ARHGAP32: variants seen among roughly 807,000 people sequenced by gnomAD.
ARHGAP32 encodes Rho GTPase activating protein 32.
A neutral mutation model predicts 186.5 loss-of-function variants in ARHGAP32; 51 were observed. The ratio of observed to expected loss-of-function variants is 0.27; its 90% CI spans 0.22 to 0.35. The LOEUF is 0.35. ARHGAP32 is among the 10% of genes least tolerant of loss of function. The pLI is 1.00. For synonymous variants in ARHGAP32, 950 were observed against 964.3 expected (o/e 0.99, Z 0.27); for missense variants, 2,186 against 2,623.5 (o/e 0.83, Z 3.64).
intron 15 of ARHGAP32, among the ~76,000 whole-genome samples, chr11:128,982,294 C>G (rs1046265214): frequency 1.3e-5 from 2 of 152,116 alleles, no homozygotes; most frequent in Non-Finnish European, 2.9e-5. Context: ...AATATTTGAG[C>G]AAAGGATATG....
chr11:129,044,851 G>C (rs1377045988), intron 10 of ARHGAP32, among the ~76,000 whole-genome samples: 1 of 151,056 alleles, frequency 6.6e-6, no homozygotes, highest in Non-Finnish European at 1.5e-5. Context: ...TTATGTGAAA[G>C]TAACTGCCTA....
At chr11:129,148,326 A>T (rs148362313) in intron 2 of ARHGAP32, among the ~76,000 whole-genome samples, 1 of 152,366 alleles carries the variant, frequency 6.6e-6, no homozygotes, top group East Asian at 1.9e-4. Flanking sequence ...CTCTGAACAC[A>T]CAACCCCACT....
chr11:129,151,556 T>G (rs1943289414), intron 2 of ARHGAP32, among the ~76,000 whole-genome samples: 2 of 152,116 alleles, frequency 1.3e-5, no homozygotes, highest in Non-Finnish European at 1.5e-5. Flanking sequence ...GGAAATTAAC[T>G]CGAAAAGGAA....
chr11:129,079,196 C>G lies in ARHGAP32; in HGVS notation c.532-12328G>C, dbSNP rs181488011. Among the ~76,000 whole-genome samples, 24 of 152,276 alleles carry G rather than the reference C, an allele frequency of 1.6e-4. No homozygotes were observed. In the East Asian group the frequency reaches 4.2e-3, roughly 27 times the overall value. ...GGTTTGGAAAACATATTTGAGGGAA[C>G]AGTCAAGGAAAACTTCCCTGGCCTT... On this transcript the variant is annotated intron_variant, in intron 6 of 22. Transcript: ENST00000682385.
intron 1 of ARHGAP32, among the ~76,000 whole-genome samples, chr11:129,168,090 AC>A (rs1943675629): frequency 6.6e-6 from 1 of 152,074 alleles, no homozygotes; most frequent in Admixed American, 6.5e-5. Flanking sequence ...AAAAAAAAAT[AC>A]AAAAATTAGC....
intron 10 of ARHGAP32, among the ~76,000 whole-genome samples, chr11:129,056,420 T>A (rs1288622189): frequency 5.9e-5 from 9 of 152,120 alleles, no homozygotes; most frequent in Non-Finnish European, 5.9e-5. Context: ...GTCAGTTTTA[T>A]AATTTTAGTA....
chr11:129,077,651 A>G lies in ARHGAP32; in HGVS notation c.532-10783T>C, dbSNP rs569047579. Reference sequence around the variant, plus strand: ...ACAGCACCTGCAGCAACCCTCACCCAAGCTCAGATCCGCCTAACGCTACCC... The same window carrying G: ...ACAGCACCTGCAGCAACCCTCACCCGAGCTCAGATCCGCCTAACGCTACCC... On this transcript the variant is annotated intron_variant, in intron 6 of 22. Transcript: ENST00000682385. 2.0e-5 allele frequency among the ~76,000 whole-genome samples: 3 copies of G among 152,002 alleles called. No individual in the cohort carries two copies. In the South Asian group the frequency reaches 6.3e-4, roughly 32 times the overall value.
chr11:129,079,376 T>C (rs561800581), intron 6 of ARHGAP32, among the ~76,000 whole-genome samples: 1 of 152,060 alleles, frequency 6.6e-6, no homozygotes, highest in Non-Finnish European at 1.5e-5. Context: ...TAAAGGAAAA[T>C]CTATGAGATT....
intron 1 of ARHGAP32, among the ~76,000 whole-genome samples, chr11:129,249,316 T>A (rs1945147342): frequency 6.6e-6 from 1 of 151,916 alleles, no homozygotes; most frequent in Non-Finnish European, 1.5e-5. Flanking sequence ...GTAATACTCA[T>A]ACATATATAT....
chr11:129,063,886 C>T lies in ARHGAP32; in HGVS notation c.885+16G>A. On this transcript the variant is annotated intron_variant, in intron 9 of 22. Coordinates refer to ENST00000682385, the MANE Select transcript of ARHGAP32 (RefSeq NM_001378024.1). ...TAGCAAGAACCAAATAACAAACAAC[C>T]ACTTTAACTATTTACCTCTAAGGTC... The T allele has an allele frequency of 6.3e-7, 1 of 1,590,456 alleles. No homozygotes were observed. The highest frequency in any genetic ancestry group is 8.5e-7 in the Non-Finnish European group (1 of 1,171,614).
intron 11 of ARHGAP32, among the ~76,000 whole-genome samples, chr11:129,006,821 G>A (rs1229547962): frequency 1.3e-5 from 2 of 152,232 alleles, no homozygotes; most frequent in African/African-American, 2.4e-5. Flanking sequence ...AAGGCAGTGA[G>A]TTCCCCCAGG....
intron 2 of ARHGAP32, among the ~76,000 whole-genome samples, chr11:129,162,110 C>T (rs948441008): frequency 2.0e-5 from 3 of 152,014 alleles, no homozygotes; most frequent in Admixed American, 6.6e-5. Flanking sequence ...AACACATGGA[C>T]ACAGTGAGTG....
chr11:128,986,056 TTC>T lies in ARHGAP32; in HGVS notation c.1471_1472del (p.Glu491LysfsTer32). ...SDAVSAATDE[E>X]RLIKIHDVIQ... ...TGACATCGTGGATTTTTATCAGCCT[TTC>T]TTCATCTGTTGCTGCTGAAACTGCA... On this transcript the variant is annotated frameshift_variant, in exon 15 of 23. Transcript: ENST00000682385. LOFTEE classifies it high-confidence loss of function. 6.2e-7 allele frequency: 1 copy of T among 1,607,644 alleles called. No homozygotes were observed. Among genetic ancestry groups the T allele is most frequent in the Non-Finnish European group, 8.5e-7 (1 of 1,178,084 alleles).
chr11:129,154,026 C>A (rs1307143182), intron 2 of ARHGAP32, among the ~76,000 whole-genome samples: 2 of 149,232 alleles, frequency 1.3e-5, no homozygotes, highest in Non-Finnish European at 3.0e-5. Context: ...AGAACTCCAA[C>A]AAATCAGCAA....
chr11:129,037,960 G>A (rs1221402262), intron 11 of ARHGAP32, among the ~76,000 whole-genome samples: 2 of 151,750 alleles, frequency 1.3e-5, no homozygotes, highest in African/African-American at 2.4e-5. Context: ...AATCAGCCAG[G>A]TGTGGTGGCA....
intron 1 of ARHGAP32, among the ~76,000 whole-genome samples, chr11:129,177,820 C>T (rs1943954944): frequency 6.6e-6 from 1 of 152,184 alleles, no homozygotes. Flanking sequence ...GACAAACCCA[C>T]AGCCAATATC....
chr11:129,193,105 T>G (rs888478784), upstream of ARHGAP32, among the ~76,000 whole-genome samples: 3 of 152,016 alleles, frequency 2.0e-5, no homozygotes, highest in Non-Finnish European at 2.9e-5. Context: ...TGCAAAGCCC[T>G]GACTTTCCAC....
chr11:128,981,343 G>T (rs933046157), intron 17 of ARHGAP32, 73 bp downstream of exon 17: 30 of 1,470,490 alleles, frequency 2.0e-5, no homozygotes, highest in Non-Finnish European at 2.3e-5. Flanking sequence ...GTTGCAATAA[G>T]AAATGCATGG....
upstream of ARHGAP32, chr11:129,192,329 G>A: frequency 6.0e-6 from 4 of 670,426 alleles, no homozygotes; most frequent in Non-Finnish European, 7.9e-6. Flanking sequence ...TACTGGTGCT[G>A]GTTTAATTAC....
Sources: allele counts gnomAD v4.1 joint callset (sites outside exome capture counted in the v4.1 genomes callset), GRCh38; gene constraint gnomAD v4.1.1; transcripts MANE v1.5; gene names NCBI Gene and HGNC (gene_info 2026-07-23, HGNC 2026-07-21).